CCDC102B: variants seen among roughly 807,000 people sequenced by gnomAD.
CCDC102B encodes coiled-coil domain-containing protein 102B.
Under a neutral mutation model 57.4 loss-of-function variants are expected in CCDC102B, and 75 were observed. The ratio of observed to expected loss-of-function variants is 1.31; its 90% CI spans 1.08 to 1.58. The LOEUF (loss-of-function observed/expected upper bound fraction) is 1.58. Ranked by LOEUF, CCDC102B falls within the 40% of genes most tolerant of loss-of-function variation. The probability of loss-of-function intolerance (pLI) is 0.00; values close to 1 mark genes in which losing one functional copy is unlikely to be tolerated. For missense variants in CCDC102B, 636 were observed against 582.6 expected (o/e 1.09, Z -0.94); for synonymous variants, 206 against 201.9 (o/e 1.02, Z -0.17).
chr18:68,894,442 A>G lies in CCDC102B; in HGVS notation c.1054-2777A>G, dbSNP rs374811022. Among the ~76,000 whole-genome samples the G allele has an allele frequency of 1.8e-4, 28 of 152,114 alleles. No individual in the cohort carries two copies. In the East Asian group the frequency reaches 3.5e-3, roughly 19 times the overall value. On this transcript the variant is annotated intron_variant, in intron 5 of 7. Coordinates refer to ENST00000360242, the MANE Select transcript of CCDC102B (RefSeq NM_024781.3). The stretch of plus-strand genomic sequence containing the variant: ...AATTCACAGTTGAGTTAGAATTAAA[A>G]TATTTTAGGAGTTTCTCTTCATCAT...
intron 6 of CCDC102B, among the ~76,000 whole-genome samples, chr18:68,927,027 C>G (rs1420556738): frequency 6.6e-6 from 1 of 151,816 alleles, no homozygotes; most frequent in Non-Finnish European, 1.5e-5. Flanking sequence ...ATAAATGAGC[C>G]AAAAGTTAGT....
intron 2 of CCDC102B, among the ~76,000 whole-genome samples, chr18:68,729,549 T>C (rs1160077710): frequency 6.6e-6 from 1 of 152,194 alleles, no homozygotes; most frequent in East Asian, 1.9e-4. Context: ...TATATCACGT[T>C]GGAGAAAACT....
intron 2 of CCDC102B, chr18:68,721,382 C>T (rs984220843): frequency 9.2e-5 from 14 of 152,368 alleles, no homozygotes; most frequent in African/African-American, 3.1e-4. Flanking sequence ...TTCCACCCTT[C>T]CCCTTTACTG....
intron 6 of CCDC102B, among the ~76,000 whole-genome samples, chr18:68,964,404 T>G (rs1029954316): frequency 8.0e-5 from 12 of 150,282 alleles, no homozygotes; most frequent in Non-Finnish European, 1.3e-4. Flanking sequence ...GTTCAGGGTT[T>G]TTTTTTTTTT....
chr18:68,869,052 C>A (rs139668728), intron 4 of CCDC102B, among the ~76,000 whole-genome samples: 2 of 146,098 alleles, frequency 1.4e-5, no homozygotes, highest in Non-Finnish European at 2.9e-5. Context: ...CTGACCTTAT[C>A]AGCCAGGTGG....
chr18:68,727,096 T>G (rs976197759), intron 2 of CCDC102B, among the ~76,000 whole-genome samples: 1 of 152,172 alleles, frequency 6.6e-6, no homozygotes, highest in African/African-American at 2.4e-5. Context: ...TTAAATCACC[T>G]GGAAAAAGTC....
intron 1 of CCDC102B, among the ~76,000 whole-genome samples, chr18:68,804,494 G>A (rs866775501): frequency 2.0e-5 from 3 of 152,162 alleles, no homozygotes; most frequent in Non-Finnish European, 2.9e-5. Flanking sequence ...AATTACCCCA[G>A]CCTGAAGTCT....
chr18:68,874,763 T>A lies in CCDC102B; in HGVS notation c.1031T>A (p.Val344Glu). The change falls in exon 5 of 8, where the codon GTG becomes GAG. Residue 344 changes from valine (V) to glutamate (E), a missense_variant. By Grantham distance (121) the Val-to-Glu change is moderately radical (BLOSUM62 -2). Transcript: ENST00000360242. The part of the protein sequence containing the change: ...ESKSQNSKDR[V>E]ICELRAELER... ...AAATCTCAAAACAGCAAAGACAGAG[T>A]GATTTGTGAGTTAAGAGCAGAGGTA... The A allele has an allele frequency of 1.2e-6, 2 of 1,606,938 alleles. No homozygotes were observed. Among genetic ancestry groups the A allele is most frequent in the African/African-American group, 1.3e-5 (1 of 74,684 alleles).
intron 6 of CCDC102B, among the ~76,000 whole-genome samples, chr18:68,912,793 C>T (rs8092872): frequency 0.8 from 122,136 of 152,202 alleles, 49,384 homozygotes; most frequent in Non-Finnish European, 0.85. Context: ...ACACTTCAGT[C>T]TCATAATTTC....
chr18:69,039,904 A>G (rs1395016797), intron 7 of CCDC102B, among the ~76,000 whole-genome samples: 1 of 149,806 alleles, frequency 6.7e-6, no homozygotes, highest in East Asian at 2.0e-4. Flanking sequence ...TGTAATAGTA[A>G]GGATTTTTTT....
intron 5 of CCDC102B, among the ~76,000 whole-genome samples, chr18:68,880,451 G>C (rs1453326132): frequency 3.3e-5 from 5 of 152,246 alleles, no homozygotes; most frequent in African/African-American, 1.2e-4. Flanking sequence ...CCACAGTGCA[G>C]CGGTGGGCTG....
At chr18:68,788,315 G>C (rs1568250319) in intron 2 of CCDC102B, among the ~76,000 whole-genome samples, 1 of 151,128 alleles carries the variant, frequency 6.6e-6, no homozygotes, top group Non-Finnish European at 1.5e-5. Flanking sequence ...GTTGATTTGG[G>C]GTGGAGAGTT....
chr18:68,718,102 A>T (rs544347225), intron 2 of CCDC102B: 83 of 152,384 alleles, frequency 5.4e-4, no homozygotes, highest in African/African-American at 1.9e-3. Context: ...AGCCTCCAGA[A>T]CTTTAAGAAA....
At chr18:69,010,085 C>T (rs2051468748) in intron 6 of CCDC102B, among the ~76,000 whole-genome samples, 1 of 141,140 alleles carries the variant, frequency 7.1e-6, no homozygotes, top group Non-Finnish European at 1.5e-5. Context: ...GCGTCCGCCA[C>T]CATGCCCGGC....
upstream of CCDC102B, among the ~76,000 whole-genome samples, chr18:68,796,851 G>GTGTT (rs534442182): frequency 6.3e-4 from 96 of 151,802 alleles, no homozygotes; most frequent in African/African-American, 2.2e-3. Context: ...GCATGTGTGT[G>GTGTT]TGTGTGTGTG....
At chr18:68,742,437 A>G (rs2033432601) in intron 2 of CCDC102B, among the ~76,000 whole-genome samples, 2 of 152,200 alleles carry the variant, frequency 1.3e-5, no homozygotes, top group Non-Finnish European at 2.9e-5. Context: ...GACACATACC[A>G]TGGGTTAGGA....
intron 3 of CCDC102B, among the ~76,000 whole-genome samples, chr18:68,843,215 T>C (rs2037715338): frequency 6.6e-6 from 1 of 152,226 alleles, no homozygotes; most frequent in Admixed American, 6.5e-5. Flanking sequence ...AAACTTGTAT[T>C]GTTAACAGTT....
At chr18:68,880,019 G>A (rs899713996) in intron 5 of CCDC102B, among the ~76,000 whole-genome samples, 2 of 152,186 alleles carry the variant, frequency 1.3e-5, no homozygotes, top group Non-Finnish European at 2.9e-5. Context: ...TTGGGTGGTC[G>A]ATGGGATTGG....
intron 1 of CCDC102B, among the ~76,000 whole-genome samples, chr18:68,829,950 C>G (rs1313478991): frequency 6.6e-6 from 1 of 151,782 alleles, no homozygotes; most frequent in African/African-American, 2.4e-5. Context: ...AAAAAATTCC[C>G]TGATCTTGAT....
Sources: gnomAD v4.1 joint callset for allele counts (sites outside exome capture counted in the v4.1 genomes callset) on GRCh38, gnomAD v4.1.1 for gene constraint, MANE v1.5 for transcripts, NCBI Gene and HGNC (gene_info 2026-07-23, HGNC 2026-07-21) for gene names.